The following NRXN3 variants were observed in gnomAD, a reference collection of about 807,000 sequenced individuals.
NRXN3 encodes the protein neurexin III.
A neutral mutation model predicts 137.6 loss-of-function variants in NRXN3; 32 were observed. That is an observed-to-expected ratio of 0.23 (90% CI 0.18 to 0.31). The LOEUF (loss-of-function observed/expected upper bound fraction) is 0.31. Among genes scored for constraint, NRXN3 ranks in the 10% least tolerant of loss-of-function variants. The probability of loss-of-function intolerance (pLI) is 1.00; values close to 1 mark genes in which losing one functional copy is unlikely to be tolerated. For missense variants in NRXN3, 1,574 were observed against 2,062.5 expected, an observed-to-expected ratio of 0.76 and a Z score of 4.59; for synonymous variants, 798 against 784.5, an observed-to-expected ratio of 1.02 and a Z score of -0.29.
intron 15 of NRXN3, among the ~76,000 whole-genome samples, chr14:79,234,706 A>G (rs1170522762): frequency 6.6e-6 from 1 of 151,960 alleles, no homozygotes; most frequent in East Asian, 1.9e-4. Context: ...TCTCTTAGGT[A>G]TTCACAGTGC....
At chr14:78,368,920 C>A (rs2086399277) in intron 4 of NRXN3, among the ~76,000 whole-genome samples, 1 of 152,170 alleles carries the variant, frequency 6.6e-6, no homozygotes, top group African/African-American at 2.4e-5. Flanking sequence ...CGAGTGAACA[C>A]CATTTGTCTG....
At position 79,420,886 on chromosome 14, in the gene NRXN3, A is replaced by G. The variant is rs139696512; in HGVS notation, c.3263-46335A>G. ...AATAGCAGCAAGGAGAGACTCATGA[A>G]TCTTTAGGAGAAAAAGGAGGTGTTA... is the stretch of plus-strand genomic sequence containing the variant. On this transcript the variant is annotated intron_variant, in intron 15 of 20. Coordinates refer to ENST00000335750, the MANE Select transcript of NRXN3 (RefSeq NM_001330195.2). 5.5e-3 allele frequency among the ~76,000 whole-genome samples: 837 copies of G among 152,264 alleles called. 3 individuals are homozygous for G. Among genetic ancestry groups the G allele is most frequent in the Middle Eastern group, 0.021 (6 of 292 alleles).
At chr14:78,329,073 G>A (rs534572770) in intron 4 of NRXN3, among the ~76,000 whole-genome samples, 57 of 152,256 alleles carry the variant, frequency 3.7e-4, no homozygotes, top group African/African-American at 1.3e-3. Context: ...AGTGTATTTG[G>A]CAGGGGACTA....
At chr14:79,301,752 C>A (rs908078686) in intron 15 of NRXN3, among the ~76,000 whole-genome samples, 1 of 151,364 alleles carries the variant, frequency 6.6e-6, no homozygotes, top group Admixed American at 6.6e-5. Flanking sequence ...TGTGTGCGCG[C>A]GCGTGCATAT....
intron 16 of NRXN3, among the ~76,000 whole-genome samples, chr14:79,574,634 T>C (rs1395630954): frequency 2.6e-5 from 4 of 152,170 alleles, no homozygotes; most frequent in Non-Finnish European, 5.9e-5. Context: ...TCCTCAGACG[T>C]GGTGGCTGGC....
At chr14:78,967,512 T>G (rs2152998300) in intron 13 of NRXN3, 114 bp downstream of exon 13, 1 of 720,300 alleles carries the variant, frequency 1.4e-6, no homozygotes, top group Middle Eastern at 3.5e-4. Context: ...ACATCATCCA[T>G]ATCCTGTTTT....
chr14:78,355,652 T>C (rs1271462411), intron 4 of NRXN3, among the ~76,000 whole-genome samples: 2 of 152,218 alleles, frequency 1.3e-5, no homozygotes, highest in Non-Finnish European at 2.9e-5. Flanking sequence ...ACTGCTGGCC[T>C]GAAGTGATCC....
intron 4 of NRXN3, among the ~76,000 whole-genome samples, chr14:78,536,680 C>T (rs1048143531): frequency 3.3e-5 from 5 of 151,816 alleles, no homozygotes; most frequent in African/African-American, 4.8e-5. Flanking sequence ...CATAGGTATA[C>T]ATGTGCCATG....
At chr14:79,328,308 G>A (rs1389042056) in intron 15 of NRXN3, among the ~76,000 whole-genome samples, 1 of 152,144 alleles carries the variant, frequency 6.6e-6, no homozygotes, top group Non-Finnish European at 1.5e-5. Context: ...TTAAGGAGGA[G>A]GAGCTAAAGT....
chr14:78,457,088 G>T (rs2094762059), intron 4 of NRXN3, among the ~76,000 whole-genome samples: 1 of 147,158 alleles, frequency 6.8e-6, no homozygotes, highest in African/African-American at 2.5e-5. Flanking sequence ...GTCCAGGCTG[G>T]AGTGCGGTGG....
intron 1 of NRXN3, among the ~76,000 whole-genome samples, chr14:78,232,460 C>T (rs1350550484): frequency 6.6e-6 from 1 of 152,046 alleles, no homozygotes; most frequent in Non-Finnish European, 1.5e-5. Flanking sequence ...TTTTCCCCCT[C>T]TTTGTGTGGA....
At chr14:78,678,497 T>A (rs1370653086) in intron 6 of NRXN3, among the ~76,000 whole-genome samples, 1 of 152,140 alleles carries the variant, frequency 6.6e-6, no homozygotes, top group Non-Finnish European at 1.5e-5. Context: ...ATCTAGTACA[T>A]ATACCTAGAA....
rs1310386213 is a variant in NRXN3 at position 79,646,975 on chromosome 14, T to C, written c.3445-16803T>C. Reference sequence around the variant, plus strand: ...GAGGCAAAGGGAAAGAGAAGAGAACTAGAAATTGGTGTAGGCAGACTGATC... The same window carrying C: ...GAGGCAAAGGGAAAGAGAAGAGAACCAGAAATTGGTGTAGGCAGACTGATC... On this transcript the variant is annotated intron_variant, in intron 16 of 20. Transcript: ENST00000335750. Among the ~76,000 whole-genome samples, 2 of 135,450 alleles carry C rather than the reference T, an allele frequency of 1.5e-5. 1 individual carries two copies. The highest frequency in any genetic ancestry group is 3.4e-5 in the Non-Finnish European group (2 of 58,216). 88.9% of individuals were successfully genotyped at this position (135,450 alleles called of 152,430 possible). A position where few individuals can be genotyped will look rare whatever the true frequency, so the allele number is the denominator to read the frequency against.
At chr14:78,515,546 T>C (rs956208279) in intron 4 of NRXN3, among the ~76,000 whole-genome samples, 3 of 152,154 alleles carry the variant, frequency 2.0e-5, no homozygotes, top group African/African-American at 7.2e-5. Flanking sequence ...AATATAGTTC[T>C]ATATGCAACA....
At chr14:78,742,675 A>C (rs2098583885) in intron 8 of NRXN3, among the ~76,000 whole-genome samples, 1 of 152,206 alleles carries the variant, frequency 6.6e-6, no homozygotes, top group African/African-American at 2.4e-5. Flanking sequence ...CCTAATGTTC[A>C]TCAAGAGTGG....
intron 15 of NRXN3, among the ~76,000 whole-genome samples, chr14:79,306,591 T>C (rs903386753): frequency 6.6e-6 from 1 of 152,130 alleles, no homozygotes; most frequent in Non-Finnish European, 1.5e-5. Flanking sequence ...ACCATGATCT[T>C]ATCCTCATTT....
chr14:78,955,607 T>A (rs1321518615), intron 10 of NRXN3, among the ~76,000 whole-genome samples: 1 of 152,168 alleles, frequency 6.6e-6, no homozygotes. Context: ...TTCTTGTAAA[T>A]TTGGGTTGCC....
intron 4 of NRXN3, among the ~76,000 whole-genome samples, chr14:78,519,534 A>G (rs2096257558): frequency 6.6e-6 from 1 of 152,204 alleles, no homozygotes; most frequent in Non-Finnish European, 1.5e-5. Context: ...TTGAGTACAT[A>G]CAATGTGCCT....
chr14:79,308,938 T>C (rs1232099251), intron 15 of NRXN3, among the ~76,000 whole-genome samples: 1 of 146,688 alleles, frequency 6.8e-6, no homozygotes, highest in African/African-American at 2.5e-5. Context: ...TTTTAATTTT[T>C]TTTTTATTAT....
Sources: allele counts gnomAD v4.1 joint callset (sites outside exome capture counted in the v4.1 genomes callset), GRCh38; gene constraint gnomAD v4.1.1; transcripts MANE v1.5; gene names NCBI Gene and HGNC (gene_info 2026-07-23, HGNC 2026-07-21).